PLEKHH2: variants seen among roughly 807,000 people sequenced by gnomAD.
PLEKHH2 encodes pleckstrin homology domain-containing family H member 2.
Under a neutral mutation model 187.9 loss-of-function variants are expected in PLEKHH2, and 129 were observed. The observed-to-expected ratio is 0.69, with a 90% CI of 0.59 to 0.79. The LOEUF (loss-of-function observed/expected upper bound fraction) is 0.79. PLEKHH2 is among the 30% of genes least tolerant of loss of function. PLEKHH2 has a pLI of 0.00. For synonymous variants in PLEKHH2, 686 were observed against 605.6 expected (o/e 1.13, Z -1.95); for missense variants, 2,076 against 1,751.2 (o/e 1.19, Z -3.31).
In PLEKHH2 at chr2:43,726,392, G is replaced by A. The variant is rs146823531; in HGVS notation, c.2662G>A (p.Val888Ile). 2.5e-5 allele frequency: 40 copies of A among 1,611,354 alleles called. No homozygotes were observed. Among genetic ancestry groups the A allele is most frequent in the East Asian group, 4.5e-5 (2 of 44,850 alleles). The part of the protein sequence containing the change: ...RSLLSTHYTI[V>I]IHPKDQGPTY... Reference sequence around the variant, plus strand: ...TCTGTTATCCACACATTATACTATCGTTATCCATCCCAAAGACCAAGGTCC... The same window carrying A: ...TCTGTTATCCACACATTATACTATCATTATCCATCCCAAAGACCAAGGTCC... Residue 888 changes from valine to isoleucine, a missense_variant, in exon 17 of 30, where the codon GTT (valine) becomes ATT (isoleucine). By Grantham distance (29) the Val-to-Ile change is conservative. Coordinates refer to ENST00000282406, the MANE Select transcript of PLEKHH2 (RefSeq NM_172069.4).
At chr2:43,709,466 A>T (rs1287516029) in intron 11 of PLEKHH2, among the ~76,000 whole-genome samples, 3 of 152,220 alleles carry the variant, frequency 2.0e-5, no homozygotes, top group Non-Finnish European at 2.9e-5. Context: ...CATATATTTT[A>T]TATATGTAAA....
At position 43,712,288 on chromosome 2, in the gene PLEKHH2, A is replaced by T; in HGVS notation, c.2365A>T (p.Ile789Phe). ...TTCTCCCAATATATTGGAAGAGTGG[A>T]TTAAAGTGTTACAGAATGTTCTTCG... The part of the protein sequence containing the change: ...ADSPNILEEW[I>F]KVLQNVLRVQ... Residue 789 changes from isoleucine to phenylalanine, a missense_variant, in exon 15 of 30, where the codon ATT (isoleucine) becomes TTT (phenylalanine). Ile to Phe is a conservative substitution (Grantham distance 21). Transcript: ENST00000282406. 6 of 1,613,598 alleles carry T rather than the reference A, an allele frequency of 3.7e-6. No individual in the cohort carries two copies. Among genetic ancestry groups the T allele is most frequent in the Non-Finnish European group, 5.1e-6 (6 of 1,179,522 alleles).
intron 27 of PLEKHH2, among the ~76,000 whole-genome samples, chr2:43,761,908 A>G (rs980493546): frequency 1.3e-5 from 2 of 152,212 alleles, no homozygotes; most frequent in South Asian, 2.1e-4. Flanking sequence ...CTTATCAAGC[A>G]TATCAGTATA....
At position 43,760,423 on chromosome 2, in the gene PLEKHH2, T is replaced by C. The variant is rs144695595; in HGVS notation, c.4071+1394T>C. ...TGTCACCCAGACTGGAGTGCAGTGGTGCAATCTTGACTCACTGCAACCTCC... is the reference window on the plus strand; with the variant it reads ...TGTCACCCAGACTGGAGTGCAGTGGCGCAATCTTGACTCACTGCAACCTCC... On this transcript the variant is annotated intron_variant, in intron 27 of 29. Transcript: ENST00000282406. 7.6e-3 allele frequency among the ~76,000 whole-genome samples: 1,057 copies of C among 139,218 alleles called. 14 individuals carry two copies. The highest frequency in any genetic ancestry group is 0.027 in the African/African-American group (992 of 36,162). 91.3% of individuals were successfully genotyped at this position (139,218 alleles called of 152,430 possible). A position where few individuals can be genotyped will look rare whatever the true frequency, so the allele number is the denominator to read the frequency against.
In PLEKHH2 at chr2:43,699,803, C is replaced by T. The variant is rs752177470; in HGVS notation, c.845C>T (p.Pro282Leu). Reference sequence around the variant, plus strand: ...GGCATCTCCCAGAATTCTGGGGCTCCTGTGAGTGACTGGAGCTCTGATGAG... The same window carrying T: ...GGCATCTCCCAGAATTCTGGGGCTCTTGTGAGTGACTGGAGCTCTGATGAG... ...DGGISQNSGA[P>L]VSDWSSDEED... The change falls in exon 8 of 30, where the codon CCT (proline) becomes CTT (leucine). Residue 282 changes from proline to leucine, a missense_variant. Pro to Leu is a moderately conservative substitution (Grantham distance 98). Transcript: ENST00000282406. 1 of 1,611,552 alleles carries T rather than the reference C, an allele frequency of 6.2e-7. No individual in the cohort carries two copies. The highest frequency in any genetic ancestry group is 8.5e-7 in the Non-Finnish European group (1 of 1,177,690).
At chr2:43,761,691 G>A (rs1378757916) in intron 27 of PLEKHH2, among the ~76,000 whole-genome samples, 1 of 152,052 alleles carries the variant, frequency 6.6e-6, no homozygotes, top group East Asian at 1.9e-4. Context: ...GATTACAGGC[G>A]AGAGCCACAA....
Position 43,738,107 on chromosome 2 carries a change from C to T in PLEKHH2, c.2944-234C>T, listed in dbSNP as rs1261645906. Among the ~76,000 whole-genome samples, 5 of 152,128 alleles carry T rather than the reference C, an allele frequency of 3.3e-5. No individual in the cohort carries two copies. The East Asian group carries it at 5.8e-4, about 18-fold the overall frequency. On this transcript the variant is annotated intron_variant, in intron 19 of 29. Coordinates refer to ENST00000282406, the MANE Select transcript of PLEKHH2 (RefSeq NM_172069.4). Reference sequence around the variant, plus strand: ...GTTATGTCTTCTAGATGAACTGACCCCTTTATCATTATAAAATGACCCTCT... The same window carrying T: ...GTTATGTCTTCTAGATGAACTGACCTCTTTATCATTATAAAATGACCCTCT...
chr2:43,711,969 G>A, intron 14 of PLEKHH2: 3 of 1,168,724 alleles, frequency 2.6e-6, no homozygotes, highest in South Asian at 4.2e-5. Context: ...AAATAAACAA[G>A]ATATAAAATC....
At chr2:43,743,698 G>T in intron 22 of PLEKHH2, 136 bp from the exon 23 acceptor site, 1 of 834,044 alleles carries the variant, frequency 1.2e-6, no homozygotes, top group Non-Finnish European at 1.7e-6. Flanking sequence ...GAGGAGCTTT[G>T]GGAAAAAAAG....
chr2:43,712,477 G>T, intron 15 of PLEKHH2, 94 bp downstream of exon 15: 1 of 1,376,200 alleles, frequency 7.3e-7, no homozygotes, highest in South Asian at 1.3e-5. Context: ...TACATATATT[G>T]AATATTGATA....
intron 17 of PLEKHH2, among the ~76,000 whole-genome samples, chr2:43,727,141 C>T (rs552499091): frequency 2.6e-5 from 4 of 152,088 alleles, no homozygotes; most frequent in Non-Finnish European, 5.9e-5. Context: ...GGGCTGGGTG[C>T]GGTGACTCAC....
rs1669716204 is a variant in PLEKHH2, at chr2:43,707,415, A to G, written c.1836A>G (p.Ile612Met). ...CTTTTCTTTAGAAGGCGACCCAAATAAGTAGCAGCCCTTTCCTGGATGACT... is the reference window on the plus strand; with the variant it reads ...CTTTTCTTTAGAAGGCGACCCAAATGAGTAGCAGCCCTTTCCTGGATGACT... ...YTTLKGKATQ[I>M]SSSPFLDDSS... Residue 612 changes from isoleucine to methionine, a missense_variant, in exon 11 of 30, where the codon ATA becomes ATG. By Grantham distance (10) the Ile-to-Met change is conservative. Transcript: ENST00000282406. 1.2e-6 allele frequency: 2 copies of G among 1,614,042 alleles called. No homozygotes were observed. Among genetic ancestry groups the G allele is most frequent in the Non-Finnish European group, 1.7e-6 (2 of 1,179,994 alleles).
intron 2 of PLEKHH2, among the ~76,000 whole-genome samples, chr2:43,659,238 C>T (rs928603065): frequency 1.3e-5 from 2 of 151,824 alleles, no homozygotes; most frequent in Admixed American, 6.6e-5. Context: ...AGCCATCTAT[C>T]TGCCTGCCTC....
intron 23 of PLEKHH2, among the ~76,000 whole-genome samples, chr2:43,745,334 AT>A: frequency 6.6e-6 from 1 of 152,264 alleles, no homozygotes; most frequent in South Asian, 2.1e-4. Flanking sequence ...AAATAAAAAA[AT>A]AAATAGAATT....
chr2:43,710,955 A>G (rs1236548672), intron 14 of PLEKHH2: 1 of 1,008,460 alleles, frequency 9.9e-7, no homozygotes, highest in East Asian at 1.1e-4. Flanking sequence ...TTGTATTTTA[A>G]TATAGAATCT....
intron 3 of PLEKHH2, among the ~76,000 whole-genome samples, chr2:43,689,581 A>T (rs1233315719): frequency 6.6e-6 from 1 of 152,178 alleles, no homozygotes; most frequent in East Asian, 1.9e-4. Context: ...TAGACCTCTT[A>T]TTCATATTAA....
intron 15 of PLEKHH2, among the ~76,000 whole-genome samples, chr2:43,713,067 A>G (rs963447181): frequency 1.3e-5 from 2 of 151,862 alleles, no homozygotes; most frequent in African/African-American, 2.4e-5. Flanking sequence ...AACTTAGCCA[A>G]TAATTTTGAG....
intron 2 of PLEKHH2, among the ~76,000 whole-genome samples, chr2:43,659,226 C>A (rs192467632): frequency 6.6e-6 from 1 of 151,628 alleles, no homozygotes; most frequent in African/African-American, 2.4e-5. Flanking sequence ...CTCCTGGGCT[C>A]AAGCCATCTA....
chr2:43,753,395 G>A (rs1354872359), intron 24 of PLEKHH2, among the ~76,000 whole-genome samples: 2 of 151,966 alleles, frequency 1.3e-5, no homozygotes, highest in African/African-American at 4.8e-5. Context: ...GTGATTCAGC[G>A]CCACCTCCAG....
Sources: gnomAD v4.1 joint callset for allele counts (sites outside exome capture counted in the v4.1 genomes callset) on GRCh38, gnomAD v4.1.1 for gene constraint, MANE v1.5 for transcripts, NCBI Gene and HGNC (gene_info 2026-07-23, HGNC 2026-07-21) for gene names.